ZHX2: variants seen among roughly 807,000 people sequenced by gnomAD.
ZHX2 encodes zinc fingers and homeoboxes protein 2.
In ZHX2, 6 loss-of-function variants were observed where a neutral mutation model predicts 21.9. The ratio of observed to expected loss-of-function variants is 0.27; its 90% confidence interval spans 0.15 to 0.54. The LOEUF (loss-of-function observed/expected upper bound fraction) is 0.54, where lower values mean the gene tolerates loss of function less well. ZHX2 is among the 20% of genes least tolerant of loss of function. ZHX2 has a pLI of 0.95. For missense variants in ZHX2, 908 were observed against 1,090.7 expected (o/e 0.83, Z 2.36); for synonymous variants, 434 against 437.1 (o/e 0.99, Z 0.09).
intron 3 of ZHX2, 65 bp downstream of exon 3, chr8:122,954,093 G>T (rs1813231861): frequency 9.2e-6 from 13 of 1,414,850 alleles, no homozygotes; most frequent in Middle Eastern, 2.4e-4. Flanking sequence ...CGTTGCCAGG[G>T]TTAATATAGA....
At chr8:122,907,549 T>G (rs116459061) in intron 2 of ZHX2, among the ~76,000 whole-genome samples, 4,691 of 152,166 alleles carry the variant, frequency 0.031, 220 homozygotes, top group African/African-American at 0.11. Context: ...CCTTAGTGAT[T>G]TGGGGGGCCC....
chr8:122,918,905 G>A (rs1027270935), intron 2 of ZHX2, among the ~76,000 whole-genome samples: 5 of 147,644 alleles, frequency 3.4e-5, no homozygotes, highest in South Asian at 2.1e-4. Flanking sequence ...CCGAGATCAC[G>A]CCACTACACT....
rs142117572 is a variant in ZHX2 at position 122,910,966 on chromosome 8, C to T, written c.-219-40326C>T. On this transcript the variant is annotated intron_variant, in intron 2 of 3. Transcript: ENST00000314393. ...AGAACATCACTCCTGCCCACTGTAT[C>T]GGCTACATGTTCCTGTTATAAGTCA... Among the ~76,000 whole-genome samples, 154 of 152,314 alleles carry T rather than the reference C, an allele frequency of 1.0e-3. 1 individual carries two copies. The highest frequency in any genetic ancestry group is 3.2e-3 in the African/African-American group (131 of 41,568).
intron 1 of ZHX2, among the ~76,000 whole-genome samples, chr8:122,841,126 C>A (rs1411517234): frequency 6.6e-6 from 1 of 152,176 alleles, no homozygotes; most frequent in Admixed American, 6.5e-5. Context: ...CGTACTGCTG[C>A]CAGGTGGAGC....
chr8:122,973,069 C>A, intron 3 of ZHX2, among the ~76,000 whole-genome samples, 173 bp from the exon 4 acceptor site: 1 of 151,518 alleles, frequency 6.6e-6, no homozygotes, highest in South Asian at 2.1e-4. Context: ...CGTTTCTTTA[C>A]AACAGGCCCC....
intron 1 of ZHX2, among the ~76,000 whole-genome samples, chr8:122,788,323 C>T (rs1192410004): frequency 2.6e-5 from 4 of 152,068 alleles, no homozygotes; most frequent in African/African-American, 4.8e-5. Context: ...TTTGGGAGGC[C>T]GAGGCAGGTG....
intron 3 of ZHX2, among the ~76,000 whole-genome samples, chr8:122,965,386 A>G (rs573663157): frequency 9.2e-5 from 14 of 152,118 alleles, no homozygotes; most frequent in East Asian, 3.9e-4. Flanking sequence ...TTTAATTTCC[A>G]TCTTGATTTC....
At chr8:122,873,791 G>A (rs1299187514) in intron 2 of ZHX2, among the ~76,000 whole-genome samples, 1 of 152,178 alleles carries the variant, frequency 6.6e-6, no homozygotes, top group Non-Finnish European at 1.5e-5. Flanking sequence ...AGCTCTCAGG[G>A]AGAATCCATC....
chr8:122,951,100 C>T (rs1239636569), intron 2 of ZHX2, among the ~76,000 whole-genome samples, 192 bp from the exon 3 acceptor site: 2 of 152,036 alleles, frequency 1.3e-5, no homozygotes, highest in Non-Finnish European at 2.9e-5. Flanking sequence ...CCTGTTTTCA[C>T]CTCCTTCCAA....
chr8:122,796,255 G>A (rs1191520396), intron 1 of ZHX2, among the ~76,000 whole-genome samples: 1 of 151,944 alleles, frequency 6.6e-6, no homozygotes, highest in Non-Finnish European at 1.5e-5. Flanking sequence ...TTAAGATTTT[G>A]CTTATGAGAG....
intron 2 of ZHX2, among the ~76,000 whole-genome samples, chr8:122,949,663 GC>G (rs1563599648): frequency 6.6e-6 from 1 of 152,068 alleles, no homozygotes; most frequent in African/African-American, 2.4e-5. Context: ...GGACAACATG[GC>G]AAAACCCCTG....
At chr8:122,926,041 C>A (rs1477342825) in intron 2 of ZHX2, among the ~76,000 whole-genome samples, 3 of 152,142 alleles carry the variant, frequency 2.0e-5, no homozygotes, top group African/African-American at 7.2e-5. Context: ...ATAACCTCTC[C>A]TATTAGTGTC....
chr8:122,894,920 G>T (rs1820061854), intron 2 of ZHX2, among the ~76,000 whole-genome samples: 1 of 152,104 alleles, frequency 6.6e-6, no homozygotes, highest in African/African-American at 2.4e-5. Context: ...GTCTGGTATA[G>T]TGACTGACAC....
At chr8:122,880,576 A>T in intron 2 of ZHX2, among the ~76,000 whole-genome samples, 1 of 152,072 alleles carries the variant, frequency 6.6e-6, no homozygotes, top group East Asian at 2.0e-4. Context: ...GGAGTTCGAG[A>T]CCAGCCTGGG....
At chr8:122,835,595 A>G (rs1445703004) in intron 1 of ZHX2, among the ~76,000 whole-genome samples, 1 of 152,150 alleles carries the variant, frequency 6.6e-6, no homozygotes, top group African/African-American at 2.4e-5. Context: ...TGCAGGGGTT[A>G]AAGAAGATGG....
At chr8:122,910,750 G>T (rs1435653331) in intron 2 of ZHX2, among the ~76,000 whole-genome samples, 1 of 151,724 alleles carries the variant, frequency 6.6e-6, no homozygotes, top group African/African-American at 2.4e-5. Context: ...GGTGGGGGGT[G>T]GGGGGTGAGG....
intron 2 of ZHX2, among the ~76,000 whole-genome samples, chr8:122,866,887 C>T (rs1013025656): frequency 2.0e-5 from 3 of 152,102 alleles, no homozygotes; most frequent in Admixed American, 1.3e-4. Flanking sequence ...TGCGGTGGCA[C>T]GATCGCAGCT....
intron 1 of ZHX2, among the ~76,000 whole-genome samples, chr8:122,857,672 T>A (rs1819059739): frequency 6.6e-6 from 1 of 151,764 alleles, no homozygotes; most frequent in Admixed American, 6.6e-5. Flanking sequence ...CATTGAAGAG[T>A]CATTGTGGGG....
At chr8:122,812,287 C>T (rs940889726) in intron 1 of ZHX2, among the ~76,000 whole-genome samples, 12 of 152,302 alleles carry the variant, frequency 7.9e-5, no homozygotes, top group African/African-American at 1.9e-4. Flanking sequence ...TTATGGGCCA[C>T]GGTCAAGACC....
Sources: gnomAD v4.1 joint callset for allele counts (sites outside exome capture counted in the v4.1 genomes callset) on GRCh38, gnomAD v4.1.1 for gene constraint, MANE v1.5 for transcripts, NCBI Gene and HGNC (gene_info 2026-07-23, HGNC 2026-07-21) for gene names.